The following CCDC57 variants were observed in gnomAD, a reference collection of about 807,000 sequenced individuals.
CCDC57 encodes coiled-coil domain containing 57, also known as coiled-coil domain-containing protein 57.
A neutral mutation model predicts 118.9 loss-of-function variants in CCDC57; 118 were observed. The observed-to-expected ratio is 0.99, with a 90% CI of 0.86 to 1.16. The LOEUF (loss-of-function observed/expected upper bound fraction) is 1.16. Ranked by LOEUF, CCDC57 falls within the 50% of genes most tolerant of loss-of-function variation. CCDC57 has a pLI of 0.00. For synonymous variants in CCDC57, 527 were observed against 532.9 expected (o/e 0.99, Z 0.15); for missense variants, 1,300 against 1,320.7 (o/e 0.98, Z 0.24).
intron 16 of CCDC57, 153 bp from the exon 16 acceptor site, chr17:82,134,347 G>A: frequency 1.6e-6 from 1 of 619,560 alleles, no homozygotes; most frequent in Non-Finnish European, 2.3e-6. Flanking sequence ...CCGGACAACA[G>A]TGAACTGTGA....
chr17:82,107,508 G>T, intron 19 of CCDC57: 2 of 470,832 alleles, frequency 4.2e-6, no homozygotes, highest in South Asian at 3.1e-5. Flanking sequence ...GCGGACCCCC[G>T]CCAGAAAGGA....
intron 16 of CCDC57, among the ~76,000 whole-genome samples, chr17:82,147,732 G>A (rs1318276935): frequency 7.1e-6 from 1 of 140,020 alleles, no homozygotes; most frequent in Non-Finnish European, 1.5e-5. Flanking sequence ...TGGATGGATG[G>A]GTGGGTGGAT....
chr17:82,134,352 C>A, intron 16 of CCDC57, 158 bp from the exon 16 acceptor site: 5 of 569,606 alleles, frequency 8.8e-6, no homozygotes, highest in African/African-American at 1.9e-5. Flanking sequence ...CAACAGTGAA[C>A]TGTGACACAC....
At chr17:82,197,438 T>A (rs999763257) in intron 4 of CCDC57, among the ~76,000 whole-genome samples, 8 of 152,274 alleles carry the variant, frequency 5.3e-5, no homozygotes, top group African/African-American at 1.7e-4. Context: ...AGGTGTAGGC[T>A]GAGTTTCCAG....
chr17:82,207,580 A>G (rs1449453709), intron 2 of CCDC57: 1 of 152,062 alleles, frequency 6.6e-6, no homozygotes, highest in Non-Finnish European at 1.5e-5. Context: ...GCAAAAGGAC[A>G]CCTTCGACTC....
chr17:82,145,301 C>G (rs1221236600), intron 16 of CCDC57, among the ~76,000 whole-genome samples: 1 of 146,494 alleles, frequency 6.8e-6, no homozygotes, highest in Non-Finnish European at 1.5e-5. Context: ...AATCCCAGCA[C>G]TTTGGGAGGC....
chr17:82,202,869 ACT>A (rs1599461834), intron 2 of CCDC57, among the ~76,000 whole-genome samples: 1 of 152,214 alleles, frequency 6.6e-6, no homozygotes, highest in African/African-American at 2.4e-5. Context: ...TCAACGCAGC[ACT>A]CTGTCCATTT....
chr17:82,125,852 T>C (rs187156422), intron 19 of CCDC57, among the ~76,000 whole-genome samples: 1 of 151,972 alleles, frequency 6.6e-6, no homozygotes, highest in African/African-American at 2.4e-5. Context: ...AGACTGAGAG[T>C]GGCCGAACGA....
intron 3 of CCDC57, 76 bp downstream of exon 2, chr17:82,201,462 C>A: frequency 6.9e-7 from 1 of 1,439,974 alleles, no homozygotes; most frequent in Non-Finnish European, 9.2e-7. Context: ...AGTGCTCGGG[C>A]AGCACAGCGG....
chr17:82,177,453 G>A (rs1024051757), intron 11 of CCDC57, among the ~76,000 whole-genome samples: 3 of 152,144 alleles, frequency 2.0e-5, no homozygotes, highest in African/African-American at 7.2e-5. Context: ...GCTGAGACGG[G>A]AGGATTGCTT....
exon 3 of CCDC57, chr17:82,201,717 G>A (rs778850349): frequency 1.2e-5 from 19 of 1,613,766 alleles, no homozygotes; most frequent in African/African-American, 2.7e-5. Context: ...GGGCGAAGGC[G>A]GCGTCATAGC....
intron 11 of CCDC57, among the ~76,000 whole-genome samples, chr17:82,177,144 C>T (rs2045624461): frequency 1.3e-5 from 2 of 152,004 alleles, no homozygotes; most frequent in African/African-American, 4.8e-5. Context: ...CTTTGGGAGG[C>T]TTAGGCAGGC....
chr17:82,212,595 C>T lies in CCDC57; in HGVS notation c.-211+190G>A, dbSNP rs2050246554. Among the ~76,000 whole-genome samples the T allele has an allele frequency of 6.6e-6, 1 of 151,994 alleles. No homozygotes were observed. The highest frequency in any genetic ancestry group is 6.5e-5 in the Admixed American group (1 of 15,274). ...CGGCCGCAACCCCCGCCCCGCCCCG[C>T]CGCAGCCTCCGCGAGGGGATCCCCG... On this transcript the variant is annotated intron_variant, in intron 1 of 19. Coordinates refer to ENST00000665763, the Ensembl canonical transcript of CCDC57. This position sits in a 1 kb window ranked among gnomAD's most constrained non-coding sequence, Gnocchi z 4.1.
intron 7 of CCDC57, among the ~76,000 whole-genome samples, chr17:82,190,453 T>G (rs998361889): frequency 2.6e-5 from 4 of 152,020 alleles, no homozygotes; most frequent in African/African-American, 9.7e-5. Flanking sequence ...CGCAGCACTT[T>G]GGGAGGCCGA....
intron 2 of CCDC57, among the ~76,000 whole-genome samples, chr17:82,203,229 C>T (rs1168021751): frequency 1.3e-5 from 2 of 152,160 alleles, no homozygotes; most frequent in Non-Finnish European, 2.9e-5. Context: ...CCTCTTGCTT[C>T]GTGCCTGCTC....
intron 19 of CCDC57, among the ~76,000 whole-genome samples, chr17:82,125,517 A>C (rs1331626526): frequency 6.6e-6 from 1 of 152,140 alleles, no homozygotes. Flanking sequence ...CTGGGATTAC[A>C]GGCATGCGCC....
In CCDC57 at chr17:82,193,738, G is replaced by A; in HGVS notation, c.851+18C>T. On this transcript the variant is annotated intron_variant, in intron 7 of 19. Coordinates refer to ENST00000665763, the Ensembl canonical transcript of CCDC57. ...GGCCACTGACATGCTGCATGATGTT[G>A]GGAGCCGAAACACTCACTTCCTCTT... 1.3e-6 allele frequency: 2 copies of A among 1,580,458 alleles called. No homozygotes were observed. The highest frequency in any genetic ancestry group is 1.7e-6 in the Non-Finnish European group (2 of 1,161,302).
Position 82,116,040 on chromosome 17 carries a change from A to T in CCDC57, c.2899+11652T>A, listed in dbSNP as rs541694309. 4.0e-3 allele frequency among the ~76,000 whole-genome samples: 523 copies of T among 130,240 alleles called. 5 individuals are homozygous for T. Among genetic ancestry groups the T allele is most frequent in the African/African-American group, 0.015 (497 of 33,680 alleles). 85.4% of individuals were successfully genotyped at this position (130,240 alleles called of 152,430 possible). ...TCTTGAACTCCTGACCTCATGATCC[A>T]CCCGCCTCAGCCTCCCAAAGTGCTG... is the stretch of plus-strand genomic sequence containing the variant. On this transcript the variant is annotated intron_variant, in intron 19 of 19. Coordinates refer to ENST00000665763, the Ensembl canonical transcript of CCDC57.
At chr17:82,186,794 T>C (rs2046977619) in intron 8 of CCDC57, among the ~76,000 whole-genome samples, 2 of 152,052 alleles carry the variant, frequency 1.3e-5, no homozygotes, top group South Asian at 2.1e-4. Flanking sequence ...ATACAAAAAT[T>C]AGCTGAGCAT....
Sources: allele counts gnomAD v4.1 joint callset (sites outside exome capture counted in the v4.1 genomes callset), GRCh38; gene constraint gnomAD v4.1.1; non-coding constraint Gnocchi (gnomAD v3.1); transcripts MANE v1.5; gene names NCBI Gene and HGNC (gene_info 2026-07-23, HGNC 2026-07-21).